The following ZNF385D variants were observed in gnomAD, a reference collection of about 807,000 sequenced individuals.
ZNF385D encodes zinc finger protein 659.
Under a neutral mutation model 35.8 loss-of-function variants are expected in ZNF385D, and 15 were observed. That is an observed-to-expected ratio of 0.42 (90% CI 0.28 to 0.64). The LOEUF (loss-of-function observed/expected upper bound fraction) is 0.64, where lower values mean the gene tolerates loss of function less well. Among genes scored for constraint, ZNF385D ranks in the 30% least tolerant of loss-of-function variants. ZNF385D has a pLI of 0.23. For missense variants in ZNF385D, 474 were observed against 494.6 expected, an observed-to-expected ratio of 0.96 and a Z score of 0.39; for synonymous variants, 212 against 186.8, an observed-to-expected ratio of 1.13 and a Z score of -1.10.
At chr3:21,477,798 G>A (rs1219394963) in intron 4 of ZNF385D, among the ~76,000 whole-genome samples, 1 of 152,042 alleles carries the variant, frequency 6.6e-6, no homozygotes, top group Non-Finnish European at 1.5e-5. Context: ...TTCTTTAAAT[G>A]ATTTCACATC....
In ZNF385D at chr3:21,820,165, T is replaced by C. The variant is rs147727710; in HGVS notation, c.326-155137A>G. Among the ~76,000 whole-genome samples, 37 of 151,880 alleles carry C rather than the reference T, an allele frequency of 2.4e-4. 2 individuals carry two copies. In the South Asian group the frequency reaches 7.0e-3, roughly 29 times the overall value. The stretch of plus-strand genomic sequence containing the variant: ...TTATTTTTAAACAGGAGAATATACT[T>C]CTTTTAAAGCCCAGTTGGAACATTT... On this transcript the variant is annotated intron_variant, in intron 3 of 5. Coordinates refer to the ZNF385D transcript ENST00000494108.
chr3:21,708,241 C>G (rs2067978313), intron 1 of ZNF385D, among the ~76,000 whole-genome samples: 1 of 152,208 alleles, frequency 6.6e-6, no homozygotes, highest in African/African-American at 2.4e-5. Flanking sequence ...TGGGCAGCAG[C>G]AGTAACTGCT....
At chr3:21,930,766 A>G (rs1700967183) in intron 3 of ZNF385D, among the ~76,000 whole-genome samples, 1 of 152,134 alleles carries the variant, frequency 6.6e-6, no homozygotes, top group Non-Finnish European at 1.5e-5. Context: ...AGATGCCCAT[A>G]TGCAAAAACA....
chr3:21,442,160 A>G (rs1701893575), intron 4 of ZNF385D, among the ~76,000 whole-genome samples: 1 of 152,216 alleles, frequency 6.6e-6, no homozygotes, highest in Non-Finnish European at 1.5e-5. Flanking sequence ...AAAAAATATC[A>G]ACACTTGAAT....
intron 3 of ZNF385D, among the ~76,000 whole-genome samples, chr3:21,835,099 C>T (rs1447556751): frequency 6.6e-6 from 1 of 151,918 alleles, no homozygotes; most frequent in African/African-American, 2.4e-5. Flanking sequence ...AGTCATGACC[C>T]TAAATGAACA....
chr3:21,693,095 T>C (rs1369396046), intron 1 of ZNF385D, among the ~76,000 whole-genome samples: 1 of 152,180 alleles, frequency 6.6e-6, no homozygotes, highest in African/African-American at 2.4e-5. Flanking sequence ...TTGCCTACAA[T>C]GGGTACAAAG....
intron 2 of ZNF385D, among the ~76,000 whole-genome samples, chr3:22,336,521 T>C (rs1228784947): frequency 1.3e-5 from 2 of 152,112 alleles, no homozygotes; most frequent in Admixed American, 1.3e-4. Context: ...GTTATTATTT[T>C]CAAAAGTTAA....
intron 5 of ZNF385D, 44 bp from the exon 6 acceptor site, chr3:21,425,714 G>A (rs1248302761): frequency 6.7e-7 from 1 of 1,482,210 alleles, no homozygotes; most frequent in African/African-American, 1.4e-5. Flanking sequence ...AGGGAGGAAA[G>A]AAGGGAGGGA....
chr3:21,927,017 G>A (rs1700762649), intron 3 of ZNF385D, among the ~76,000 whole-genome samples: 1 of 152,100 alleles, frequency 6.6e-6, no homozygotes, highest in Admixed American at 6.6e-5. Flanking sequence ...GGGTAATGAG[G>A]ACAGATCACT....
intron 3 of ZNF385D, among the ~76,000 whole-genome samples, chr3:21,523,205 C>T (rs372276863): frequency 2.2e-4 from 34 of 152,228 alleles, no homozygotes; most frequent in East Asian, 9.7e-4. Context: ...GAGTGAATTG[C>T]AACTATCATG....
rs188362928 is a variant in ZNF385D, at chr3:22,115,802, C to T, written c.325+53015G>A. ...AGCACTTTGGTGATTTAATCATCAT[C>T]AGGAAAAACCGCTAGCAGGAAGGTT... is the stretch of plus-strand genomic sequence containing the variant. On this transcript the variant is annotated intron_variant, in intron 3 of 5. Transcript: ENST00000494108. Among the ~76,000 whole-genome samples the T allele has an allele frequency of 8.5e-5, 13 of 152,158 alleles. 1 individual carries two copies. The highest frequency in any genetic ancestry group is 3.1e-4 in the African/African-American group (13 of 41,522).
chr3:21,664,780 A>C, intron 2 of ZNF385D, 106 bp downstream of exon 2: 1 of 1,470,220 alleles, frequency 6.8e-7, no homozygotes, highest in Non-Finnish European at 9.4e-7. Context: ...AAACCATGCA[A>C]TGAACAATAT....
chr3:22,134,695 A>G (rs1704000922), intron 3 of ZNF385D, among the ~76,000 whole-genome samples: 1 of 152,214 alleles, frequency 6.6e-6, no homozygotes, highest in East Asian at 1.9e-4. Context: ...ACAGAAGATT[A>G]TTTGGCTCAC....
At chr3:22,290,889 G>C (rs1403235081) in intron 2 of ZNF385D, among the ~76,000 whole-genome samples, 1 of 152,084 alleles carries the variant, frequency 6.6e-6, no homozygotes, top group African/African-American at 2.4e-5. Flanking sequence ...CATTTGCCAA[G>C]ATTTCCTAAA....
intron 3 of ZNF385D, chr3:21,849,645 C>G (rs1696255533): frequency 8.4e-6 from 1 of 118,908 alleles, no homozygotes; most frequent in Admixed American, 1.0e-4. Context: ...CATCGCTCTA[C>G]ACATCATTAC....
At chr3:22,263,206 C>T (rs959541385) in intron 2 of ZNF385D, among the ~76,000 whole-genome samples, 13 of 151,950 alleles carry the variant, frequency 8.6e-5, no homozygotes, top group Admixed American at 8.5e-4. Flanking sequence ...AGCTCAAAGC[C>T]CTGCAATGAC....
chr3:21,978,838 G>T (rs1361550705), intron 3 of ZNF385D, among the ~76,000 whole-genome samples: 1 of 151,986 alleles, frequency 6.6e-6, no homozygotes, highest in African/African-American at 2.4e-5. Context: ...TCCTGCATTA[G>T]TGACCTTGAC....
rs543207440 is a variant in ZNF385D at position 21,620,769 on chromosome 3, C to G, written c.165+44117G>C. 2.2e-4 allele frequency among the ~76,000 whole-genome samples: 34 copies of G among 152,212 alleles called. No individual in the cohort carries two copies. The South Asian group carries it at 7.0e-3, about 32-fold the overall frequency. ...ACGGTGATTGCCAGTGAACTTAACC[C>G]CTGAAATGTCTTCAGTAAGAGGCAT... On this transcript the variant is annotated intron_variant, in intron 2 of 7. Coordinates refer to ENST00000281523, the MANE Select transcript of ZNF385D (RefSeq NM_024697.3).
intron 2 of ZNF385D, among the ~76,000 whole-genome samples, chr3:22,279,980 T>C (rs1575024188): frequency 6.6e-6 from 1 of 152,146 alleles, no homozygotes; most frequent in South Asian, 2.1e-4. Flanking sequence ...TGGCCATTCT[T>C]GCAGCATAAG....
Sources: allele counts gnomAD v4.1 joint callset (sites outside exome capture counted in the v4.1 genomes callset), GRCh38; gene constraint gnomAD v4.1.1; transcripts MANE v1.5; gene names NCBI Gene and HGNC (gene_info 2026-07-23, HGNC 2026-07-21).